Variants in MYO9A observed in about 807,000 individuals in gnomAD.
MYO9A encodes the protein unconventional myosin-IXa.
MYO9A carries 103 observed loss-of-function variants against 293.3 expected under a neutral mutation model. The ratio of observed to expected loss-of-function variants is 0.35; its 90% confidence interval spans 0.30 to 0.41. MYO9A has a LOEUF of 0.41. MYO9A is among the 10% of genes least tolerant of loss of function. The probability of loss-of-function intolerance (pLI) is 1.00; values close to 1 mark genes in which losing one functional copy is unlikely to be tolerated. For synonymous variants in MYO9A, 1,001 were observed against 1,035.7 expected, an observed-to-expected ratio of 0.97 and a Z score of 0.64; for missense variants, 2,685 against 3,033.0, an observed-to-expected ratio of 0.89 and a Z score of 2.69.
At chr15:71,987,994 T>G (rs2076447691) in intron 11 of MYO9A, among the ~76,000 whole-genome samples, 1 of 152,228 alleles carries the variant, frequency 6.6e-6, no homozygotes, top group African/African-American at 2.4e-5. Flanking sequence ...CTAAGGTTTT[T>G]TATTTTTATA....
intron 19 of MYO9A, among the ~76,000 whole-genome samples, chr15:71,906,758 C>CTTTTTTTTTTTTTTTTTTTTTTTTTT (rs71131714): frequency 1.3e-4 from 8 of 61,014 alleles, no homozygotes; most frequent in African/African-American, 5.1e-4. Context: ...CCATTTCTTT[C>CTTTTTTTTTTTTTTTTTTTTTTTTTT]TTTTTTTTTT....
chr15:71,827,869 A>C lies in MYO9A; in HGVS notation c.7183+15T>G. On this transcript the variant is annotated intron_variant, in intron 41 of 41. Coordinates refer to ENST00000356056, the MANE Select transcript of MYO9A (RefSeq NM_006901.4). ...AAAACAAATCTGGAGTCTTTGGTCT[A>C]CCATGTTCACTTACCTGATTTCTCA... The C allele has an allele frequency of 6.2e-7, 1 of 1,609,628 alleles. No homozygotes were observed. The highest frequency in any genetic ancestry group is 8.5e-7 in the Non-Finnish European group (1 of 1,178,552).
chr15:71,939,015 T>A, intron 15 of MYO9A, 88 bp from the exon 16 acceptor site: 1 of 935,726 alleles, frequency 1.1e-6, no homozygotes, highest in Non-Finnish European at 1.6e-6. Context: ...AACGAAAATT[T>A]AATCACGAGT....
chr15:71,935,240 A>C (rs2058604666), intron 17 of MYO9A, 101 bp downstream of exon 17: 2 of 1,256,702 alleles, frequency 1.6e-6, no homozygotes, highest in Non-Finnish European at 2.2e-6. Flanking sequence ...CATGAAAATA[A>C]CATTTCACCA....
chr15:71,888,656 A>G (rs1196506889), intron 26 of MYO9A: 1 of 152,218 alleles, frequency 6.6e-6, no homozygotes, highest in Non-Finnish European at 1.5e-5. Flanking sequence ...AAGGCTATCA[A>G]ACTGTGACCT....
intron 6 of MYO9A, among the ~76,000 whole-genome samples, chr15:72,012,943 G>C (rs2077217183): frequency 6.6e-6 from 1 of 152,178 alleles, no homozygotes; most frequent in South Asian, 2.1e-4. Flanking sequence ...AGTGGTCTCA[G>C]TGAATATCAA....
At chr15:71,916,525 A>G in intron 18 of MYO9A, 33 bp from the exon 19 acceptor site, 2 of 1,583,266 alleles carry the variant, frequency 1.3e-6, no homozygotes, top group Non-Finnish European at 1.7e-6. Flanking sequence ...TTGCTCACAT[A>G]AATTAATCTA....
At position 71,879,002 on chromosome 15, in the gene MYO9A, G is replaced by A. The variant is rs554547205; in HGVS notation, c.5739+719C>T. ...GAACTCCTGACCTCATGACCTACCC[G>A]CCTCAGCCACCCAAAGTGCTGGGAT... On this transcript the variant is annotated intron_variant, in intron 30 of 41. Coordinates refer to ENST00000356056, the MANE Select transcript of MYO9A (RefSeq NM_006901.4). 3.3e-5 allele frequency among the ~76,000 whole-genome samples: 5 copies of A among 151,974 alleles called. No individual in the cohort carries two copies. In the South Asian group the frequency reaches 6.3e-4, roughly 19 times the overall value.
intron 39 of MYO9A, among the ~76,000 whole-genome samples, chr15:71,838,403 CCAT>C (rs1340538417): frequency 6.6e-6 from 1 of 152,012 alleles, no homozygotes; most frequent in East Asian, 1.9e-4. Flanking sequence ...TTATATTTTT[CCAT>C]CATAATAGGG....
At chr15:71,992,159 C>T (rs928930361) in intron 10 of MYO9A, among the ~76,000 whole-genome samples, 5 of 152,050 alleles carry the variant, frequency 3.3e-5, no homozygotes, top group African/African-American at 1.2e-4. Context: ...GACAGCAATC[C>T]CTGCCTCATC....
chr15:71,845,213 A>ATAAC (rs1408326396), intron 39 of MYO9A, among the ~76,000 whole-genome samples: 1 of 152,170 alleles, frequency 6.6e-6, no homozygotes, highest in Non-Finnish European at 1.5e-5. Flanking sequence ...GTGTGGTATT[A>ATAAC]TAACTAGGTA....
intron 18 of MYO9A, among the ~76,000 whole-genome samples, chr15:71,924,093 C>A (rs1182924814): frequency 1.3e-5 from 2 of 151,956 alleles, no homozygotes; most frequent in Non-Finnish European, 2.9e-5. Context: ...TTTAGTATCT[C>A]CTTTGACTCA....
At chr15:72,063,986 G>T (rs936586532) in intron 1 of MYO9A, among the ~76,000 whole-genome samples, 3 of 152,118 alleles carry the variant, frequency 2.0e-5, no homozygotes, top group Non-Finnish European at 4.4e-5. Context: ...CATAAAAAAA[G>T]AATGAGATCC....
At chr15:72,081,933 T>C (rs1465365145) in intron 1 of MYO9A, among the ~76,000 whole-genome samples, 6 of 152,146 alleles carry the variant, frequency 3.9e-5, no homozygotes, top group East Asian at 1.9e-4. Flanking sequence ...TTGTTTCCGG[T>C]AGCCCTTTGT....
At chr15:71,997,576 G>A (rs1424323794) in intron 9 of MYO9A, among the ~76,000 whole-genome samples, 1 of 151,878 alleles carries the variant, frequency 6.6e-6, no homozygotes, top group Non-Finnish European at 1.5e-5. Flanking sequence ...TCCAGCCCAG[G>A]TAAGAGTGCG....
At chr15:72,017,010 C>CTTTTTTTT (rs61153023) in intron 6 of MYO9A, among the ~76,000 whole-genome samples, 1 of 58,228 alleles carries the variant, frequency 1.7e-5, no homozygotes, top group Non-Finnish European at 3.0e-5. Flanking sequence ...GAGCCCAAAT[C>CTTTTTTTT]TTTTTTTTTT....
At chr15:72,112,062 T>C (rs1416264823) in intron 1 of MYO9A, among the ~76,000 whole-genome samples, 1 of 152,082 alleles carries the variant, frequency 6.6e-6, no homozygotes, top group Non-Finnish European at 1.5e-5. Flanking sequence ...CTCCACTTAA[T>C]GGATTTAAGA....
At chr15:71,980,600 C>G (rs2076248361) in intron 11 of MYO9A, among the ~76,000 whole-genome samples, 1 of 152,120 alleles carries the variant, frequency 6.6e-6, no homozygotes, top group Non-Finnish European at 1.5e-5. Flanking sequence ...TTTGGGAGGC[C>G]TAGCTGGGAA....
intron 1 of MYO9A, among the ~76,000 whole-genome samples, chr15:72,050,336 C>T (rs575055323): frequency 6.6e-6 from 1 of 151,968 alleles, no homozygotes; most frequent in African/African-American, 2.4e-5. Context: ...CAGCCGGGTG[C>T]GGTGGCTCAC....
Sources: gnomAD v4.1 joint callset for allele counts (sites outside exome capture counted in the v4.1 genomes callset) on GRCh38, gnomAD v4.1.1 for gene constraint, MANE v1.5 for transcripts, NCBI Gene and HGNC (gene_info 2026-07-23, HGNC 2026-07-21) for gene names.